TTYH2: variants seen among roughly 807,000 people sequenced by gnomAD.
The protein encoded by TTYH2 is tweety family member 2, also known as protein tweety homolog 2.
Under a neutral mutation model 68.3 loss-of-function variants are expected in TTYH2, and 49 were observed. The observed-to-expected ratio is 0.72, with a 90% CI of 0.57 to 0.91. TTYH2 has a LOEUF of 0.91. Among genes scored for constraint, TTYH2 ranks in the 40% least tolerant of loss-of-function variants. TTYH2 has a pLI of 0.00. For synonymous variants in TTYH2, 272 were observed against 300.8 expected, an observed-to-expected ratio of 0.90 and a Z score of 0.99; for missense variants, 631 against 700.4, an observed-to-expected ratio of 0.90 and a Z score of 1.12.
At chr17:74,251,350 GCATGTGTGT>G (rs1251253062) in intron 10 of TTYH2, among the ~76,000 whole-genome samples, 7 of 52,526 alleles carry the variant, frequency 1.3e-4, no homozygotes, top group African/African-American at 7.8e-4. Context: ...TGTGTGTGGT[GCATGTGTGT>G]GTGCATGTGG....
At chr17:74,221,876 C>G (rs952485471) in intron 1 of TTYH2, among the ~76,000 whole-genome samples, 1 of 152,110 alleles carries the variant, frequency 6.6e-6, no homozygotes, top group African/African-American at 2.4e-5. Context: ...ATGGAGCTGG[C>G]TTCTCGATTC....
intron 2 of TTYH2, among the ~76,000 whole-genome samples, chr17:74,224,045 G>A (rs550547946): frequency 6.6e-6 from 1 of 152,368 alleles, no homozygotes; most frequent in South Asian, 2.1e-4. Context: ...GTTCTGGACA[G>A]GCCGGGAGGT....
At chr17:74,227,466 A>C (rs1272330622) in intron 2 of TTYH2, among the ~76,000 whole-genome samples, 7 of 152,230 alleles carry the variant, frequency 4.6e-5, no homozygotes, top group African/African-American at 1.7e-4. Flanking sequence ...CTCAGAGCAC[A>C]ATACAATTGG....
rs147164061 is a variant in TTYH2, at chr17:74,239,175, C to T, written c.635+1661C>T. On this transcript the variant is annotated intron_variant, in intron 4 of 13. Coordinates refer to ENST00000269346, the MANE Select transcript of TTYH2 (RefSeq NM_032646.6). The surrounding 1 kb of genome is among the most constrained non-coding windows in gnomAD (Gnocchi z 5.3). ...CCTAGCCAGAGGCACTGGACACAAT[C>T]GGCGGAGCAGGGACCTGCTGCCCCT... 6.6e-6 allele frequency among the ~76,000 whole-genome samples: 1 copy of T among 152,194 alleles called. No individual in the cohort carries two copies. The highest frequency in any genetic ancestry group is 1.5e-5 in the Non-Finnish European group (1 of 68,036).
intron 9 of TTYH2, 32 bp from the exon 10 acceptor site, chr17:74,250,233 C>A: frequency 6.4e-7 from 1 of 1,566,994 alleles, no homozygotes; most frequent in African/African-American, 1.6e-5. Flanking sequence ...CTCCACAGCC[C>A]CTCGGCCTCT....
In TTYH2 at chr17:74,224,212, T is replaced by C. The variant is rs13342773; in HGVS notation, c.302+1555T>C. 9.6e-3 allele frequency among the ~76,000 whole-genome samples: 1,456 copies of C among 151,892 alleles called. 23 individuals carry two copies. Among genetic ancestry groups the C allele is most frequent in the African/African-American group, 0.033 (1,376 of 41,414 alleles). On this transcript the variant is annotated intron_variant, in intron 2 of 13. Transcript: ENST00000269346. Reference sequence around the variant, plus strand: ...ATCGCCTGAGCTCAGGAGTTCGAGATCACCTTGGGCAATGTAGTGAGACCT... The same window carrying C: ...ATCGCCTGAGCTCAGGAGTTCGAGACCACCTTGGGCAATGTAGTGAGACCT...
At chr17:74,216,708 C>T (rs137992548) in intron 1 of TTYH2, among the ~76,000 whole-genome samples, 59 of 152,328 alleles carry the variant, frequency 3.9e-4, no homozygotes, top group African/African-American at 1.3e-3. Context: ...AGGTGAGCAC[C>T]AAGGCAGGGC....
chr17:74,230,561 C>T (rs764487175), intron 2 of TTYH2, among the ~76,000 whole-genome samples: 14 of 151,986 alleles, frequency 9.2e-5, no homozygotes, highest in Non-Finnish European at 1.5e-4. Context: ...AGAGGCTGTG[C>T]GTGTGTGGGG....
rs115215364 is a variant in TTYH2, at chr17:74,241,819, G to T, written c.636-1555G>T. Among the ~76,000 whole-genome samples the T allele has an allele frequency of 0.011, 1,744 of 152,266 alleles. 33 individuals are homozygous for T. The highest frequency in any genetic ancestry group is 0.04 in the African/African-American group (1,650 of 41,554). ...CCGCCCCTCCTCTGTCCACTCTCCC[G>T]CTGGTGCCCAGCACAGGGTAAAGGG... On this transcript the variant is annotated intron_variant, in intron 4 of 13. Coordinates refer to ENST00000269346, the MANE Select transcript of TTYH2 (RefSeq NM_032646.6). This position sits in a 1 kb window ranked among gnomAD's most constrained non-coding sequence, Gnocchi z 4.1.
chr17:74,253,855 C>A (rs1179566983), intron 13 of TTYH2, 22 bp downstream of exon 13: 1 of 1,612,938 alleles, frequency 6.2e-7, no homozygotes, highest in Non-Finnish European at 8.5e-7. Context: ...TCTGGCCCTT[C>A]CTTGTTGGGG....
chr17:74,257,291 G>C (rs1238539365), intron 13 of TTYH2, among the ~76,000 whole-genome samples: 1 of 152,152 alleles, frequency 6.6e-6, no homozygotes, highest in Non-Finnish European at 1.5e-5. Flanking sequence ...AACACTTATT[G>C]CTTTGGCCAA....
At chr17:74,245,806 G>T (rs922773629) in intron 6 of TTYH2, among the ~76,000 whole-genome samples, 3 of 152,232 alleles carry the variant, frequency 2.0e-5, no homozygotes, top group African/African-American at 2.4e-5. Flanking sequence ...GAGAGCTTTT[G>T]TGTGGCCTCC....
chr17:74,222,051 C>G lies in TTYH2; in HGVS notation c.130-434C>G, dbSNP rs1463925510. On this transcript the variant is annotated intron_variant, in intron 1 of 13. Transcript: ENST00000269346. This position sits in a 1 kb window ranked among gnomAD's most constrained non-coding sequence, Gnocchi z 5.2. ...TCAGCGCCCGAGGCCTCTGGGTACT[C>G]TGGTCTTGGACGGTATCCCTCTCCT... Among the ~76,000 whole-genome samples, 3 of 152,184 alleles carry G rather than the reference C, an allele frequency of 2.0e-5. No homozygotes were observed. Among genetic ancestry groups the G allele is most frequent in the African/African-American group, 7.2e-5 (3 of 41,444 alleles).
intron 10 of TTYH2, among the ~76,000 whole-genome samples, chr17:74,251,346 TG>T (rs1567820721): frequency 6.2e-5 from 7 of 113,222 alleles, no homozygotes; most frequent in African/African-American, 2.8e-4. Context: ...GTGGTGTGTG[TG>T]GTGCATGTGT....
chr17:74,237,619 G>T (rs1202152571), intron 4 of TTYH2, 105 bp downstream of exon 4: 22 of 1,044,518 alleles, frequency 2.1e-5, no homozygotes, highest in Non-Finnish European at 5.4e-6. Context: ...CCACTGGAAA[G>T]TATTTTTTTT....
intron 12 of TTYH2, 81 bp downstream of exon 12, chr17:74,253,347 G>A: frequency 1.3e-6 from 2 of 1,481,622 alleles, no homozygotes; most frequent in South Asian, 1.4e-5. Context: ...CGGGTGTGGG[G>A]AGGAAGGCAT....
intron 2 of TTYH2, among the ~76,000 whole-genome samples, chr17:74,227,960 A>AGGAG (rs1419922320): frequency 7.0e-6 from 1 of 143,396 alleles, no homozygotes; most frequent in Non-Finnish European, 1.5e-5. Context: ...GCGCCCTGGA[A>AGGAG]GGAGGTTTCT....
chr17:74,233,362 G>A (rs145191941), intron 3 of TTYH2, among the ~76,000 whole-genome samples: 21 of 152,320 alleles, frequency 1.4e-4, no homozygotes, highest in South Asian at 6.2e-4. Flanking sequence ...GGAGAAGTCC[G>A]GATATCAGAT....
intron 13 of TTYH2, among the ~76,000 whole-genome samples, chr17:74,256,108 GGCT>G (rs756147721): frequency 1.3e-5 from 2 of 152,212 alleles, no homozygotes; most frequent in Non-Finnish European, 2.9e-5. Context: ...CACTCAAGAA[GGCT>G]GCCTGTAGAA....
Sources: allele counts gnomAD v4.1 joint callset (sites outside exome capture counted in the v4.1 genomes callset), GRCh38; gene constraint gnomAD v4.1.1; non-coding constraint Gnocchi (gnomAD v3.1); transcripts MANE v1.5; gene names NCBI Gene and HGNC (gene_info 2026-07-23, HGNC 2026-07-21).